ACSF3: variants seen among roughly 807,000 people sequenced by gnomAD.
The protein encoded by ACSF3 is malonate--CoA ligase ACSF3, mitochondrial.
In ACSF3, 78 loss-of-function variants were observed where a neutral mutation model predicts 53.2. The observed-to-expected ratio is 1.47, with a 90% CI of 1.22 to 1.77. The LOEUF is 1.77. ACSF3 is among the 40% of genes most tolerant of loss of function. The pLI, the probability that ACSF3 is intolerant of heterozygous loss-of-function variation, is 0.00. For synonymous variants in ACSF3, 414 were observed against 333.1 expected, an observed-to-expected ratio of 1.24 and a Z score of -2.65; for missense variants, 937 against 771.1, an observed-to-expected ratio of 1.22 and a Z score of -2.55.
chr16:89,152,538 G>T (rs931199475), intron 10 of ACSF3: 1 of 152,230 alleles, frequency 6.6e-6, no homozygotes, highest in Non-Finnish European at 1.5e-5. Context: ...AACCCGGGAG[G>T]CGGAGGTTGC....
chr16:89,112,136 C>T lies in ACSF3; in HGVS notation c.867C>T (p.Val289=), dbSNP rs1246005897. The change falls in exon 5 of 11, where the codon GTC becomes GTT. Residue 289 remains valine, a synonymous_variant. Coordinates refer to ENST00000614302, the MANE Select transcript of ACSF3 (RefSeq NM_001243279.3). ...GTTCTGAAACGCCGCGGATCAATGT[C>T]TTTATGGCAGTGCCTACAATATACA... ...FLSSETPRIN[V]FMAVPTIYTK... is the part of the protein sequence containing the mutation. 2 of 1,614,262 alleles carry T rather than the reference C, an allele frequency of 1.2e-6. No individual in the cohort carries two copies. The highest frequency in any genetic ancestry group is 2.2e-5 in the South Asian group (2 of 91,088).
Position 89,123,923 on chromosome 16 carries a change from C to T in ACSF3, c.1239+3010C>T, listed in dbSNP as rs374031764. On this transcript the variant is annotated intron_variant, in intron 7 of 10. Coordinates refer to ENST00000614302, the MANE Select transcript of ACSF3 (RefSeq NM_001243279.3). ...ACAGGTACCACACACACATGCAGTG[C>T]GCGCACGGGTATCACAGATACACGC... 3.3e-3 allele frequency among the ~76,000 whole-genome samples: 504 copies of T among 152,226 alleles called. 4 individuals carry two copies. The highest frequency in any genetic ancestry group is 0.021 in the South Asian group (101 of 4,822).
chr16:89,100,725 C>T lies in ACSF3; in HGVS notation c.44C>T (p.Ala15Val). ...CTCACCTTCCGGCGCCTGGGCTGCGCCTTGGCGTCCTGCCGGCTGGCGCCT... is the reference window on the plus strand; with the variant it reads ...CTCACCTTCCGGCGCCTGGGCTGCGTCTTGGCGTCCTGCCGGCTGGCGCCT... ...VVLTFRRLGC[A>V]LASCRLAPAR... is the part of the protein sequence containing the mutation. Residue 15 changes from alanine (A) to valine (V), a missense_variant, in exon 3 of 11, where the codon GCC becomes GTC. Ala to Val is a moderately conservative substitution (Grantham distance 64). Transcript: ENST00000614302. 1 of 1,603,252 alleles carries T rather than the reference C, an allele frequency of 6.2e-7. No individual in the cohort carries two copies. Among genetic ancestry groups the T allele is most frequent in the Non-Finnish European group, 8.5e-7 (1 of 1,179,564 alleles).
At chr16:89,105,890 C>T (rs1975920427) in intron 4 of ACSF3, among the ~76,000 whole-genome samples, 4 of 152,240 alleles carry the variant, frequency 2.6e-5, no homozygotes, top group African/African-American at 9.6e-5. Flanking sequence ...GGGCGAGAGG[C>T]AGGTGGGTGT....
intron 1 of ACSF3, among the ~76,000 whole-genome samples, chr16:89,096,773 C>A (rs969917270): frequency 6.6e-6 from 1 of 152,212 alleles, no homozygotes; most frequent in East Asian, 1.9e-4. Context: ...CCCTTCTCAC[C>A]CTCCATAGGA....
Position 89,101,484 on chromosome 16 carries a change from G to T in ACSF3, c.666+137G>T, listed in dbSNP as rs1597892571. ...GTCACCATCCTGCAGACCCGTGTGAGATACAGGGACGCAGGCCCTCGGGGT... is the reference window on the plus strand; with the variant it reads ...GTCACCATCCTGCAGACCCGTGTGATATACAGGGACGCAGGCCCTCGGGGT... On this transcript the variant is annotated intron_variant, in intron 3 of 10. Transcript: ENST00000614302. 1.2e-5 allele frequency: 18 copies of T among 1,511,578 alleles called. No homozygotes were observed. The East Asian group carries it at 4.4e-4, about 37-fold the overall frequency. 93.6% of individuals were successfully genotyped at this position (1,511,578 alleles called of 1,614,324 possible).
At chr16:89,112,322 C>T (rs1307222578) in intron 5 of ACSF3, 76 bp downstream of exon 5, 1 of 1,571,808 alleles carries the variant, frequency 6.4e-7, no homozygotes. Flanking sequence ...TAATAAATCA[C>T]TCCTACTAAG....
At chr16:89,129,956 C>G (rs1598027913) in intron 7 of ACSF3, among the ~76,000 whole-genome samples, 1 of 152,166 alleles carries the variant, frequency 6.6e-6, no homozygotes, top group African/African-American at 2.4e-5. Context: ...GTTGTAAACT[C>G]CGTTAGACAA....
intron 1 of ACSF3, among the ~76,000 whole-genome samples, chr16:89,097,499 C>A (rs997611356): frequency 6.6e-6 from 1 of 152,240 alleles, no homozygotes; most frequent in African/African-American, 2.4e-5. Flanking sequence ...CCCAGAGCAC[C>A]CAGTGCCCAG....
Position 89,145,298 on chromosome 16 carries a change from C to T in ACSF3, c.1398C>T (p.Tyr466=), listed in dbSNP as rs200146632. ...CCGTGGTGTTTAAGGATGGCCAGTACTGGATCCGAGGCCGGACCTCAGTGG... is the reference window on the plus strand; with the variant it reads ...CCGTGGTGTTTAAGGATGGCCAGTATTGGATCCGAGGCCGGACCTCAGTGG... ...GDTVVFKDGQ[Y]WIRGRTSVDI... is the part of the protein sequence containing the mutation. The change falls in exon 9 of 11, where the codon TAC becomes TAT. Residue 466 remains tyrosine, a synonymous_variant. Coordinates refer to ENST00000614302, the MANE Select transcript of ACSF3 (RefSeq NM_001243279.3). 5.7e-5 allele frequency: 92 copies of T among 1,614,132 alleles called. No individual in the cohort carries two copies. The East Asian group carries it at 1.7e-3, about 30-fold the overall frequency.
chr16:89,151,545 A>C, intron 10 of ACSF3: 1 of 249,198 alleles, frequency 4.0e-6, no homozygotes, highest in Non-Finnish European at 8.0e-6. Flanking sequence ...ATGATCAAGC[A>C]GCATTTAAGC....
chr16:89,136,213 G>T (rs1160215340), intron 8 of ACSF3, among the ~76,000 whole-genome samples: 1 of 152,280 alleles, frequency 6.6e-6, no homozygotes, highest in Non-Finnish European at 1.5e-5. Context: ...ATGCGGGGCT[G>T]CGAGCGTGGA....
intron 7 of ACSF3, among the ~76,000 whole-genome samples, chr16:89,127,945 T>G (rs1847275365): frequency 1.3e-5 from 2 of 152,178 alleles, no homozygotes; most frequent in African/African-American, 4.8e-5. Context: ...GTTGGTAATT[T>G]GTGTCTTCTG....
chr16:89,155,144 G>T lies in ACSF3; in HGVS notation c.*937G>T, dbSNP rs1204008020. Reference sequence around the variant, plus strand: ...TTTACTTAGCGGGGCCAATTCAGATGCACAGGGGCCACATGCAGAATCCAG... The same window carrying T: ...TTTACTTAGCGGGGCCAATTCAGATTCACAGGGGCCACATGCAGAATCCAG... On this transcript the variant is annotated 3_prime_UTR_variant, in exon 11 of 11. Coordinates refer to ENST00000614302, the MANE Select transcript of ACSF3 (RefSeq NM_001243279.3). The T allele has an allele frequency of 2.2e-6, 1 of 454,150 alleles. No homozygotes were observed. Among genetic ancestry groups the T allele is most frequent in the Non-Finnish European group, 4.4e-6 (1 of 226,800 alleles). The allele number at this position is 454,150 out of a possible 1,614,324, so 28.1% of individuals were successfully genotyped here. A position where few individuals can be genotyped will look rare whatever the true frequency, so the allele number is the denominator to read the frequency against.
rs1263735716 is a variant in ACSF3, at chr16:89,153,866, C to T, written c.1614-224C>T. ...TGCACGCACCATGGCTTCTGTGGTA[C>T]CAGTGATAACACCATGCCGGGCACC... is the stretch of plus-strand genomic sequence containing the variant. On this transcript the variant is annotated intron_variant, in intron 10 of 10. Coordinates refer to ENST00000614302, the MANE Select transcript of ACSF3 (RefSeq NM_001243279.3). The T allele has an allele frequency of 1.2e-5, 7 of 587,238 alleles. No individual in the cohort carries two copies. The African/African-American group carries it at 1.3e-4, about 11-fold the overall frequency. 36.4% of individuals were successfully genotyped at this position (587,238 alleles called of 1,614,324 possible). A position where few individuals can be genotyped will look rare whatever the true frequency, so the allele number is the denominator to read the frequency against.
chr16:89,118,886 G>A (rs367893685), intron 6 of ACSF3, among the ~76,000 whole-genome samples: 23 of 152,270 alleles, frequency 1.5e-4, no homozygotes, highest in African/African-American at 4.1e-4. Flanking sequence ...CTGCAGCTGC[G>A]CTCCCATCTA....
chr16:89,155,314 CG>C lies in ACSF3; in HGVS notation c.*1108del, dbSNP rs1344888609. 1.1e-5 allele frequency: 5 copies of C among 453,484 alleles called. No individual in the cohort carries two copies. The highest frequency in any genetic ancestry group is 2.2e-5 in the Non-Finnish European group (5 of 226,188). 28.1% of individuals were successfully genotyped at this position (453,484 alleles called of 1,614,324 possible). On this transcript the variant is annotated 3_prime_UTR_variant, in exon 11 of 11. Transcript: ENST00000614302. ...GCACGTCTGAAAGAGTGGCCAGAAA[CG>C]AGTGTGCCGGGCAGGAGGCCAGCCC...
intron 6 of ACSF3, among the ~76,000 whole-genome samples, chr16:89,119,053 G>A (rs1905939278): frequency 1.3e-5 from 2 of 151,234 alleles, no homozygotes. Flanking sequence ...CCTGCCTCAA[G>A]CTTTCATGGG....
intron 4 of ACSF3, 57 bp downstream of exon 4, chr16:89,102,816 C>T (rs991478446): frequency 4.5e-5 from 72 of 1,590,708 alleles, no homozygotes; most frequent in South Asian, 4.2e-4. Context: ...TTTCCCCTGT[C>T]GGGGCCAGGG....
Sources: allele counts gnomAD v4.1 joint callset (sites outside exome capture counted in the v4.1 genomes callset), GRCh38; gene constraint gnomAD v4.1.1; transcripts MANE v1.5; gene names NCBI Gene and HGNC (gene_info 2026-07-23, HGNC 2026-07-21).